The following EHBP1 variants were observed in gnomAD, a reference collection of about 807,000 sequenced individuals.
EHBP1 encodes the protein EH domain binding protein 1.
Under a neutral mutation model 144.0 loss-of-function variants are expected in EHBP1, and 55 were observed. The observed-to-expected ratio is 0.38, with a 90% confidence interval of 0.31 to 0.48. The LOEUF (loss-of-function observed/expected upper bound fraction) is 0.48. EHBP1 is among the 20% of genes least tolerant of loss of function. The pLI, the probability that EHBP1 is intolerant of heterozygous loss-of-function variation, is 0.98. For synonymous variants in EHBP1, 469 were observed against 472.7 expected (o/e 0.99, Z 0.10); for missense variants, 1,200 against 1,364.2 (o/e 0.88, Z 1.90).
At chr2:63,016,018 A>G (rs2060470733) in intron 19 of EHBP1, among the ~76,000 whole-genome samples, 3 of 152,216 alleles carry the variant, frequency 2.0e-5, no homozygotes, top group African/African-American at 7.2e-5. Context: ...TAAAATGATT[A>G]CTAAGGTTCT....
At chr2:62,791,318 C>T (rs929432644) in intron 5 of EHBP1, among the ~76,000 whole-genome samples, 1 of 151,822 alleles carries the variant, frequency 6.6e-6, no homozygotes, top group Non-Finnish European at 1.5e-5. Context: ...AGATAAACAT[C>T]AGTTTTACTG....
chr2:62,697,267 T>A (rs1572881494), intron 1 of EHBP1, among the ~76,000 whole-genome samples: 1 of 152,214 alleles, frequency 6.6e-6, no homozygotes, highest in Non-Finnish European at 1.5e-5. Flanking sequence ...AATAATAATG[T>A]AAATACTACA....
At chr2:62,907,720 G>A (rs2053913410) in intron 10 of EHBP1, among the ~76,000 whole-genome samples, 2 of 152,150 alleles carry the variant, frequency 1.3e-5, no homozygotes, top group Non-Finnish European at 1.5e-5. Context: ...TTCAACTTAC[G>A]AATTTTAGGG....
chr2:62,756,768 CAAAAAAAAAA>C (rs34717027), intron 3 of EHBP1, among the ~76,000 whole-genome samples: 1 of 76,662 alleles, frequency 1.3e-5, no homozygotes, highest in African/African-American at 4.9e-5. Context: ...AACTCTATCT[CAAAAAAAAAA>C]AAAAAAAAAA....
In EHBP1 at chr2:62,747,032, T is replaced by C. The variant is rs1337646175; in HGVS notation, c.105-363T>C. Reference sequence around the variant, plus strand: ...AATTATTTTGCAAGTGCCCTTTTTATGCTTGTTTACTTCACATTAAAGGGA... The same window carrying C: ...AATTATTTTGCAAGTGCCCTTTTTACGCTTGTTTACTTCACATTAAAGGGA... On this transcript the variant is annotated intron_variant, in intron 2 of 22. Coordinates refer to ENST00000431489, the MANE Select transcript of EHBP1 (RefSeq NM_001142616.3). 2.6e-5 allele frequency among the ~76,000 whole-genome samples: 4 copies of C among 152,120 alleles called. No individual in the cohort carries two copies. In the East Asian group the frequency reaches 7.7e-4, roughly 29 times the overall value.
At chr2:62,931,193 C>T (rs545641745) in intron 10 of EHBP1, among the ~76,000 whole-genome samples, 26 of 152,174 alleles carry the variant, frequency 1.7e-4, no homozygotes, top group African/African-American at 5.1e-4. Context: ...CCAAACAACC[C>T]AGTTCAAAAA....
chr2:62,683,413 A>C (rs1363368844), intron 1 of EHBP1, among the ~76,000 whole-genome samples: 1 of 152,082 alleles, frequency 6.6e-6, no homozygotes, highest in East Asian at 1.9e-4. Flanking sequence ...TAATCCCCGC[A>C]CTTTGGGAGG....
At chr2:63,019,838 A>AGGAAGGAAGGAAGGAG (rs2060640398) in intron 19 of EHBP1, among the ~76,000 whole-genome samples, 3 of 56,856 alleles carry the variant, frequency 5.3e-5, no homozygotes, top group African/African-American at 2.2e-4. Context: ...GAGGGAAGGA[A>AGGAAGGAAGGAAGGAG]GGAAGGAAGG....
chr2:62,840,432 A>G (rs2152712642), intron 7 of EHBP1, among the ~76,000 whole-genome samples: 1 of 144,650 alleles, frequency 6.9e-6, no homozygotes, highest in African/African-American at 2.5e-5. Flanking sequence ...GGCATGGGCA[A>G]GGACTTCATG....
intron 10 of EHBP1, among the ~76,000 whole-genome samples, chr2:62,886,546 C>A (rs2051946112): frequency 1.3e-5 from 2 of 151,808 alleles, no homozygotes; most frequent in Middle Eastern, 3.4e-3. Context: ...AGAAACAAGA[C>A]ATGTATTTGA....
At chr2:62,773,806 G>A (rs1455088362) in intron 5 of EHBP1, among the ~76,000 whole-genome samples, 5 of 126,182 alleles carry the variant, frequency 4.0e-5, no homozygotes, top group East Asian at 5.0e-4. Context: ...AGCCGAGATC[G>A]CGCCACTGCA....
intron 7 of EHBP1, among the ~76,000 whole-genome samples, chr2:62,848,592 A>G (rs541958791): frequency 1.1e-4 from 17 of 152,382 alleles, no homozygotes; most frequent in Admixed American, 8.5e-4. Context: ...AATACTACTC[A>G]GCAATAAAAA....
chr2:62,694,514 A>AG (rs2034015062), intron 1 of EHBP1, among the ~76,000 whole-genome samples: 1 of 152,068 alleles, frequency 6.6e-6, no homozygotes, highest in Non-Finnish European at 1.5e-5. Flanking sequence ...AAAAAAAAAA[A>AG]ACTTCTTAAG....
chr2:63,006,464 C>T (rs1457170932), intron 19 of EHBP1, among the ~76,000 whole-genome samples: 2 of 151,836 alleles, frequency 1.3e-5, no homozygotes, highest in Non-Finnish European at 2.9e-5. Flanking sequence ...CTACTTCATT[C>T]ATACAACTAT....
intron 13 of EHBP1, among the ~76,000 whole-genome samples, chr2:62,950,890 G>C (rs2057339325): frequency 6.6e-6 from 1 of 152,024 alleles, no homozygotes; most frequent in Admixed American, 6.5e-5. Flanking sequence ...TCTCCATGTT[G>C]GTCAGGCTGG....
At chr2:62,754,702 G>A (rs1396721775) in intron 3 of EHBP1, among the ~76,000 whole-genome samples, 7 of 152,200 alleles carry the variant, frequency 4.6e-5, no homozygotes, top group South Asian at 2.1e-4. Context: ...TGCCCCTCCC[G>A]CAGCCTTGCT....
chr2:62,688,761 C>G (rs186876764), intron 1 of EHBP1, among the ~76,000 whole-genome samples: 125 of 152,254 alleles, frequency 8.2e-4, no homozygotes, highest in African/African-American at 3.0e-3. Flanking sequence ...TTTCCTCCTA[C>G]CCAGGCTAAT....
At chr2:62,955,722 G>C in intron 14 of EHBP1, 62 bp downstream of exon 14, 147 of 1,515,708 alleles carry the variant, frequency 9.7e-5, no homozygotes, top group Middle Eastern at 1.8e-4. Context: ...GAGGAGGGAA[G>C]TAATTTGCTT....
At chr2:62,719,675 T>A (rs1246604139) in intron 2 of EHBP1, among the ~76,000 whole-genome samples, 1 of 152,232 alleles carries the variant, frequency 6.6e-6, no homozygotes. Flanking sequence ...CAGATTTGTT[T>A]TGGTCATTAT....
Sources: allele counts gnomAD v4.1 joint callset (sites outside exome capture counted in the v4.1 genomes callset), GRCh38; gene constraint gnomAD v4.1.1; transcripts MANE v1.5; gene names NCBI Gene and HGNC (gene_info 2026-07-23, HGNC 2026-07-21).